Variants in SLC26A3 observed in about 807,000 individuals in gnomAD.
SLC26A3 encodes the protein solute carrier family 26 member 3, also known as chloride anion exchanger.
Under a neutral mutation model 85.6 loss-of-function variants are expected in SLC26A3, and 64 were observed. That is an observed-to-expected ratio of 0.75 (90% CI 0.61 to 0.92). SLC26A3 has a LOEUF of 0.92. SLC26A3 is among the 40% of genes least tolerant of loss of function. SLC26A3 has a pLI of 0.00. For synonymous variants in SLC26A3, 349 were observed against 336.0 expected, an observed-to-expected ratio of 1.04 and a Z score of -0.42; for missense variants, 922 against 927.3, an observed-to-expected ratio of 0.99 and a Z score of 0.07.
At chr7:107,798,857 C>G (rs750160671) in intron 1 of SLC26A3, among the ~76,000 whole-genome samples, 2 of 152,124 alleles carry the variant, frequency 1.3e-5, no homozygotes, top group Non-Finnish European at 2.9e-5. Flanking sequence ...GTAAGCCAGC[C>G]CTATTTCATG....
At chr7:107,800,181 G>C (rs1253268135) in intron 1 of SLC26A3, among the ~76,000 whole-genome samples, 2 of 152,152 alleles carry the variant, frequency 1.3e-5, no homozygotes, top group Non-Finnish European at 2.9e-5. Context: ...ATACCTGGTA[G>C]ATTCCAATTC....
chr7:107,782,672 A>T, intron 11 of SLC26A3, 125 bp downstream of exon 11: 1 of 932,424 alleles, frequency 1.1e-6, no homozygotes, highest in Non-Finnish European at 1.8e-6. Flanking sequence ...GTATTGGCTA[A>T]GAAGAGTACT....
At chr7:107,801,384 C>T (rs1794596953) in intron 1 of SLC26A3, among the ~76,000 whole-genome samples, 1 of 152,164 alleles carries the variant, frequency 6.6e-6, no homozygotes, top group African/African-American at 2.4e-5. Context: ...CCTCACACTC[C>T]TACACTCAAT....
rs879030095 is a variant in SLC26A3, at chr7:107,787,551, T to C, written c.736-42A>G. 16 of 1,554,126 alleles carry C rather than the reference T, an allele frequency of 1.0e-5. No homozygotes were observed. In the South Asian group the frequency reaches 1.6e-4, roughly 15 times the overall value. The stretch of plus-strand genomic sequence containing the variant: ...AAAAACCACCAAAGCCCTATATTAA[T>C]GCACAATTTGGATACAACGCATCTC... On this transcript the variant is annotated intron_variant, in intron 6 of 20. Transcript: ENST00000340010.
At chr7:107,776,028 G>C (rs975943558) in intron 15 of SLC26A3, 1 of 261,004 alleles carries the variant, frequency 3.8e-6, no homozygotes, top group African/African-American at 2.2e-5. Context: ...CACTCAGTAT[G>C]TATTGTTATT....
chr7:107,765,562 A>G lies in SLC26A3; in HGVS notation c.*293T>C. On this transcript the variant is annotated 3_prime_UTR_variant, in exon 21 of 21. Transcript: ENST00000340010. Reference sequence around the variant, plus strand: ...GTGGCGCCACTATACTGCTAAACCTATGCATGAAGGTAGTGACTAGGATGG... The same window carrying G: ...GTGGCGCCACTATACTGCTAAACCTGTGCATGAAGGTAGTGACTAGGATGG... 2 of 366,588 alleles carry G rather than the reference A, an allele frequency of 5.5e-6. No homozygotes were observed. Among genetic ancestry groups the G allele is most frequent in the Non-Finnish European group, 9.9e-6 (2 of 201,120 alleles). 22.7% of individuals were successfully genotyped at this position (366,588 alleles called of 1,614,324 possible). A position where few individuals can be genotyped will look rare whatever the true frequency, so the allele number is the denominator to read the frequency against.
At chr7:107,784,589 G>A (rs935663163) in intron 8 of SLC26A3, among the ~76,000 whole-genome samples, 4 of 152,026 alleles carry the variant, frequency 2.6e-5, no homozygotes, top group Non-Finnish European at 4.4e-5. Flanking sequence ...GTGCCACCAC[G>A]CCCAGCTAAT....
chr7:107,798,435 G>C (rs1272406556), intron 1 of SLC26A3, among the ~76,000 whole-genome samples: 1 of 152,086 alleles, frequency 6.6e-6, no homozygotes, highest in Non-Finnish European at 1.5e-5. Context: ...CCTCCACTCT[G>C]CCTGCCCCGC....
intron 15 of SLC26A3, 122 bp from the exon 16 acceptor site, chr7:107,774,994 C>T: frequency 2.4e-6 from 2 of 820,344 alleles, no homozygotes; most frequent in Non-Finnish European, 4.1e-6. Flanking sequence ...ATATTTGTGA[C>T]AAAATTTAAA....
At chr7:107,775,636 G>A (rs1794099877) in intron 15 of SLC26A3, among the ~76,000 whole-genome samples, 2 of 151,570 alleles carry the variant, frequency 1.3e-5, no homozygotes, top group South Asian at 4.2e-4. Context: ...GGGGGCTGAG[G>A]TAGGGGGATT....
rs375869839 is a variant in SLC26A3, at chr7:107,794,597, C to T, written c.-88G>A. 55 of 1,421,086 alleles carry T rather than the reference C, an allele frequency of 3.9e-5. No homozygotes were observed. In the East Asian group the frequency reaches 1.2e-3, roughly 32 times the overall value. 88.0% of individuals were successfully genotyped at this position (1,421,086 alleles called of 1,614,324 possible). A position where few individuals can be genotyped will look rare whatever the true frequency, so the allele number is the denominator to read the frequency against. ...TCTTGCCTTTAGCAGGTTAAAAATG[C>T]CTGAAACCAAACAGAGCTTGCTTCT... On this transcript the variant is annotated splice_region_variant and 5_prime_UTR_variant, in exon 2 of 21. Coordinates refer to ENST00000340010, the MANE Select transcript of SLC26A3 (RefSeq NM_000111.3).
Position 107,788,233 on chromosome 7 carries a change from A to G in SLC26A3, c.736-724T>C, listed in dbSNP as rs141569333. Among the ~76,000 whole-genome samples, 629 of 152,222 alleles carry G rather than the reference A, an allele frequency of 4.1e-3. 1 individual carries two copies. Among genetic ancestry groups the G allele is most frequent in the Middle Eastern group, 0.014 (4 of 294 alleles). On this transcript the variant is annotated intron_variant, in intron 6 of 20. Transcript: ENST00000340010. The stretch of plus-strand genomic sequence containing the variant: ...GAGTCGTTAAAAATCAAACACATCT[A>G]CCATCGAGCTAATGTTAACAACAAA...
chr7:107,767,080 A>G (rs924099924), intron 20 of SLC26A3, among the ~76,000 whole-genome samples: 5 of 152,090 alleles, frequency 3.3e-5, no homozygotes, highest in Admixed American at 6.5e-5. Context: ...ATGAAATGGG[A>G]CTCTCCAGTT....
In SLC26A3 at chr7:107,791,092, C is replaced by T; in HGVS notation, c.526G>A (p.Val176Met). The T allele has an allele frequency of 6.2e-7, 1 of 1,614,168 alleles. No individual in the cohort carries two copies. The highest frequency in any genetic ancestry group is 8.5e-7 in the Non-Finnish European group (1 of 1,180,032). The change falls in exon 5 of 21, where the codon GTG becomes ATG. Residue 176 changes from valine to methionine, a missense_variant. By Grantham distance (21) the Val-to-Met change is conservative. Transcript: ENST00000340010. ...SSLLDDERVR[V>M]AAAASVTVLS... ...ACTGTGACTGATGCCGCCGCCGCCA[C>T]CCTCACCCTCTCGTCATCCAGTAGT...
rs765749439 is a variant in SLC26A3, at chr7:107,776,499, T to C, written c.1630A>G (p.Ile544Val). 23 of 1,614,036 alleles carry C rather than the reference T, an allele frequency of 1.4e-5. No individual in the cohort carries two copies. The highest frequency in any genetic ancestry group is 1.6e-4 in the Middle Eastern group (1 of 6,084). The change falls in exon 15 of 21, where the codon ATC becomes GTC. Residue 544 changes from isoleucine to valine, a missense_variant. Physicochemically the swap from Ile to Val is conservative, Grantham distance 29. Coordinates refer to ENST00000340010, the MANE Select transcript of SLC26A3 (RefSeq NM_000111.3). ...AAGAAACCAATGTTTGCAAAGTAGA[T>C]AGGAGATGGACATCTGAAAATTTTC... is the stretch of plus-strand genomic sequence containing the variant. ...GVKIFRCPSP[I>V]YFANIGFFRR...
chr7:107,771,492 C>A (rs750064619), intron 18 of SLC26A3, among the ~76,000 whole-genome samples: 52 of 151,998 alleles, frequency 3.4e-4, no homozygotes, highest in Non-Finnish European at 6.8e-4. Context: ...GGGAGAAGAA[C>A]CAATGTCAGA....
intron 1 of SLC26A3, among the ~76,000 whole-genome samples, chr7:107,801,934 A>G (rs1794605487): frequency 6.6e-6 from 1 of 151,232 alleles, no homozygotes; most frequent in African/African-American, 2.4e-5. Context: ...ACAAAAAAAA[A>G]AAAAAAAAAA....
At chr7:107,770,833 T>G (rs1421505239) in intron 18 of SLC26A3, among the ~76,000 whole-genome samples, 1 of 152,128 alleles carries the variant, frequency 6.6e-6, no homozygotes, top group African/African-American at 2.4e-5. Flanking sequence ...TATAGTCTAG[T>G]AGGGACAGAA....
At chr7:107,795,979 T>C (rs539332563) in intron 1 of SLC26A3, among the ~76,000 whole-genome samples, 1 of 152,236 alleles carries the variant, frequency 6.6e-6, no homozygotes, top group African/African-American at 2.4e-5. Context: ...CATCCCATTT[T>C]CTAGTTTCCT....
Sources: allele counts gnomAD v4.1 joint callset (sites outside exome capture counted in the v4.1 genomes callset), GRCh38; gene constraint gnomAD v4.1.1; transcripts MANE v1.5; gene names NCBI Gene and HGNC (gene_info 2026-07-23, HGNC 2026-07-21).